Variants in CWC27 observed in about 807,000 individuals in gnomAD.
The protein encoded by CWC27 is CWC27 spliceosome associated cyclophilin.
CWC27 carries 47 observed loss-of-function variants against 63.6 expected under a neutral mutation model. The observed-to-expected ratio is 0.74, with a 90% CI of 0.58 to 0.94. The LOEUF is 0.94. Among genes scored for constraint, CWC27 ranks in the 40% least tolerant of loss-of-function variants. The pLI, the probability that CWC27 is intolerant of heterozygous loss-of-function variation, is 0.00. For missense variants in CWC27, 495 were observed against 554.3 expected (o/e 0.89, Z 1.07); for synonymous variants, 175 against 179.8 (o/e 0.97, Z 0.22).
At chr5:64,915,480 A>G (rs1309657343) in intron 11 of CWC27, among the ~76,000 whole-genome samples, 1 of 152,206 alleles carries the variant, frequency 6.6e-6, no homozygotes, top group Non-Finnish European at 1.5e-5. Flanking sequence ...TCATTGAGCT[A>G]TACTTTTTTA....
chr5:64,996,349 TATTC>T (rs1382658991), intron 13 of CWC27, among the ~76,000 whole-genome samples: 4 of 152,196 alleles, frequency 2.6e-5, no homozygotes, highest in Non-Finnish European at 4.4e-5. Flanking sequence ...TACTTTCTGG[TATTC>T]ATTCAGGTAA....
At chr5:64,873,237 A>G (rs987952649) in intron 10 of CWC27, among the ~76,000 whole-genome samples, 2 of 152,190 alleles carry the variant, frequency 1.3e-5, no homozygotes, top group African/African-American at 4.8e-5. Flanking sequence ...GCTTTTTTCC[A>G]AGGACAGTAA....
At position 64,786,520 on chromosome 5, in the gene CWC27, A is replaced by T. The variant is rs1228190267; in HGVS notation, c.496-4A>T. On this transcript the variant is annotated splice_polypyrimidine_tract_variant and splice_region_variant and intron_variant, in intron 5 of 13. Transcript: ENST00000381070. ...TAATGTTTTCGAAATATTTTTTTTCATAGGTTTTGTTTAATCCTTTTGATG... is the reference window on the plus strand; with the variant it reads ...TAATGTTTTCGAAATATTTTTTTTCTTAGGTTTTGTTTAATCCTTTTGATG... The T allele has an allele frequency of 6.6e-7, 1 of 1,513,380 alleles. No individual in the cohort carries two copies. The highest frequency in any genetic ancestry group is 1.4e-5 in the African/African-American group (1 of 70,578). The allele number at this position is 1,513,380 out of a possible 1,614,324, so 93.7% of individuals were successfully genotyped here.
intron 7 of CWC27, among the ~76,000 whole-genome samples, chr5:64,796,242 T>C (rs554404696): frequency 5.1e-4 from 77 of 152,200 alleles, no homozygotes; most frequent in African/African-American, 1.8e-3. Context: ...GCCAATAGGA[T>C]GTGAGAGAGA....
At chr5:64,951,351 A>G (rs1480902703) in intron 11 of CWC27, among the ~76,000 whole-genome samples, 1 of 151,930 alleles carries the variant, frequency 6.6e-6, no homozygotes, top group African/African-American at 2.4e-5. Flanking sequence ...TCATGTGCTT[A>G]AATCAGGTTG....
At chr5:64,784,293 G>C (rs1038631299) in intron 4 of CWC27, among the ~76,000 whole-genome samples, 2 of 152,124 alleles carry the variant, frequency 1.3e-5, no homozygotes. Context: ...CTTTTGGAAG[G>C]ACATTTAGGT....
chr5:64,930,481 A>G (rs1158659744), intron 11 of CWC27, among the ~76,000 whole-genome samples: 3 of 152,206 alleles, frequency 2.0e-5, no homozygotes, highest in Non-Finnish European at 4.4e-5. Flanking sequence ...TCATGAATCC[A>G]TGAGGATCTG....
At chr5:64,901,376 T>C (rs962734640) in intron 11 of CWC27, among the ~76,000 whole-genome samples, 4 of 149,782 alleles carry the variant, frequency 2.7e-5, no homozygotes, top group African/African-American at 9.9e-5. Flanking sequence ...CAGAATGGCG[T>C]GAACCCGGGA....
chr5:64,908,888 A>G (rs1250743649), intron 11 of CWC27, among the ~76,000 whole-genome samples: 2 of 152,158 alleles, frequency 1.3e-5, no homozygotes, highest in African/African-American at 4.8e-5. Flanking sequence ...TTTACATTTA[A>G]GGTTAATATT....
intron 10 of CWC27, among the ~76,000 whole-genome samples, chr5:64,882,737 G>A (rs1007706822): frequency 1.3e-5 from 2 of 152,076 alleles, no homozygotes; most frequent in African/African-American, 4.8e-5. Context: ...GGGAGTACAG[G>A]TGCCCGCCAC....
intron 10 of CWC27, among the ~76,000 whole-genome samples, chr5:64,806,660 G>A (rs1315863686): frequency 2.0e-5 from 3 of 151,986 alleles, no homozygotes; most frequent in South Asian, 2.1e-4. Context: ...TCATGACCAC[G>A]TATTTTTTTC....
chr5:64,970,358 G>C (rs984035704), intron 11 of CWC27, among the ~76,000 whole-genome samples: 1 of 151,868 alleles, frequency 6.6e-6, no homozygotes, highest in South Asian at 2.1e-4. Context: ...GACTACAGGC[G>C]CCCGCCACCA....
intron 11 of CWC27, among the ~76,000 whole-genome samples, chr5:64,929,770 A>G (rs981925200): frequency 1.3e-5 from 2 of 152,140 alleles, no homozygotes; most frequent in African/African-American, 4.8e-5. Context: ...TACTGATGGT[A>G]TTGTAAAATG....
At chr5:64,930,822 G>A (rs1387533203) in intron 11 of CWC27, among the ~76,000 whole-genome samples, 1 of 152,090 alleles carries the variant, frequency 6.6e-6, no homozygotes, top group African/African-American at 2.4e-5. Flanking sequence ...ACAGTACCCT[G>A]AGAAGAACAT....
intron 10 of CWC27, among the ~76,000 whole-genome samples, chr5:64,831,232 A>C (rs533535059): frequency 1.3e-5 from 2 of 152,004 alleles, no homozygotes; most frequent in South Asian, 2.1e-4. Flanking sequence ...AATTTCTTGA[A>C]TTATAGAATT....
At chr5:65,003,537 C>T (rs892409287) in intron 13 of CWC27, among the ~76,000 whole-genome samples, 2 of 152,044 alleles carry the variant, frequency 1.3e-5, no homozygotes, top group East Asian at 3.9e-4. Context: ...AGATATTGTC[C>T]TTTTGTTTTC....
intron 10 of CWC27, among the ~76,000 whole-genome samples, chr5:64,830,322 TG>T (rs1171081206): frequency 2.0e-5 from 3 of 152,002 alleles, no homozygotes; most frequent in African/African-American, 7.3e-5. Context: ...AAACAAGAAA[TG>T]GGGAAAGGAT....
chr5:64,809,461 G>A (rs1744801481), intron 10 of CWC27, among the ~76,000 whole-genome samples: 1 of 152,166 alleles, frequency 6.6e-6, no homozygotes, highest in Non-Finnish European at 1.5e-5. Flanking sequence ...TCTGCCTCAT[G>A]GGTTCAAGCG....
rs199882585 is a variant in CWC27, at chr5:64,858,463, A to AAATAATAATAATAAT, written c.939-26960_939-26946dup. On this transcript the variant is annotated intron_variant, in intron 10 of 13. Coordinates refer to ENST00000381070, the MANE Select transcript of CWC27 (RefSeq NM_005869.4). ...GGTGACAGAGTGAGACTCCATCTCA[A>AAATAATAATAATAAT]AATAATAATAATAATAATAATAATA... is the stretch of plus-strand genomic sequence containing the variant. Among the ~76,000 whole-genome samples the AAATAATAATAATAAT allele has an allele frequency of 6.9e-3, 1,007 of 146,596 alleles. 8 individuals carry two copies. Among genetic ancestry groups the AAATAATAATAATAAT allele is most frequent in the African/African-American group, 0.016 (653 of 39,782 alleles).
Sources: allele counts gnomAD v4.1 joint callset (sites outside exome capture counted in the v4.1 genomes callset), GRCh38; gene constraint gnomAD v4.1.1; transcripts MANE v1.5; gene names NCBI Gene and HGNC (gene_info 2026-07-23, HGNC 2026-07-21).